BNC2: variants seen among roughly 807,000 people sequenced by gnomAD.
The protein encoded by BNC2 is zinc finger protein basonuclin-2.
A neutral mutation model predicts 76.3 loss-of-function variants in BNC2; 20 were observed. The ratio of observed to expected loss-of-function variants is 0.26; its 90% CI spans 0.18 to 0.38. The LOEUF is 0.38. BNC2 is among the 10% of genes least tolerant of loss of function. The probability of loss-of-function intolerance (pLI) is 1.00; values close to 1 mark genes in which losing one functional copy is unlikely to be tolerated. For synonymous variants in BNC2, 582 were observed against 514.8 expected (o/e 1.13, Z -1.77); for missense variants, 1,382 against 1,399.8 (o/e 0.99, Z 0.20).
intron 4 of BNC2, among the ~76,000 whole-genome samples, chr9:16,578,906 A>C (rs901610422): frequency 4.6e-5 from 7 of 152,180 alleles, no homozygotes; most frequent in Admixed American, 3.9e-4. Flanking sequence ...CCTTTTACAG[A>C]GACTTGACAG....
intron 3 of BNC2, among the ~76,000 whole-genome samples, chr9:16,622,335 TA>T (rs371126177): frequency 4.3e-4 from 65 of 152,330 alleles, no homozygotes; most frequent in African/African-American, 1.5e-3. Flanking sequence ...ACTTTTAGAC[TA>T]AAATTTTTCA....
chr9:16,736,459 G>A (rs1159404607), intron 2 of BNC2, among the ~76,000 whole-genome samples: 1 of 149,016 alleles, frequency 6.7e-6, no homozygotes, highest in East Asian at 2.0e-4. Context: ...TATTATTATT[G>A]TTTATTATTA....
chr9:16,630,182 C>T (rs1821120220), intron 3 of BNC2, among the ~76,000 whole-genome samples: 1 of 146,870 alleles, frequency 6.8e-6, no homozygotes, highest in Admixed American at 6.6e-5. Flanking sequence ...TGAAACAGTA[C>T]ACTGATAAAC....
chr9:16,786,053 G>C (rs1826284481), intron 1 of BNC2, among the ~76,000 whole-genome samples: 1 of 151,978 alleles, frequency 6.6e-6, no homozygotes, highest in African/African-American at 2.4e-5. Flanking sequence ...TAAACTTTCT[G>C]GACAGCACCC....
chr9:16,786,090 A>G (rs1826285656), intron 1 of BNC2, among the ~76,000 whole-genome samples: 3 of 152,216 alleles, frequency 2.0e-5, no homozygotes, highest in South Asian at 4.1e-4. Context: ...CCATGAAAAT[A>G]TAAGTCAAAA....
In BNC2 at chr9:16,417,216, G is replaced by A. The variant is rs570883979; in HGVS notation, c.*1773C>T. The A allele has an allele frequency of 6.6e-6, 1 of 152,504 alleles. No homozygotes were observed. Among genetic ancestry groups the A allele is most frequent in the Admixed American group, 6.5e-5 (1 of 15,272 alleles). 9.4% of individuals were successfully genotyped at this position (152,504 alleles called of 1,614,324 possible). On this transcript the variant is annotated 3_prime_UTR_variant, in exon 7 of 7. Coordinates refer to ENST00000380672, the MANE Select transcript of BNC2 (RefSeq NM_017637.6). The stretch of plus-strand genomic sequence containing the variant: ...ACCCTAATGGTTTTGGCTGCAGACT[G>A]AACTTGAGTAAATATCATCATTTAG...
intron 3 of BNC2, among the ~76,000 whole-genome samples, chr9:16,659,539 C>T (rs574155483): frequency 1.4e-5 from 2 of 146,472 alleles, no homozygotes; most frequent in Non-Finnish European, 3.0e-5. Flanking sequence ...ACCCAGGAGG[C>T]GGAAATTGAA....
chr9:16,493,943 C>T (rs1350190598), intron 5 of BNC2, among the ~76,000 whole-genome samples: 3 of 152,202 alleles, frequency 2.0e-5, no homozygotes, highest in African/African-American at 4.8e-5. Flanking sequence ...TGATGACACA[C>T]GAGGGTAGAG....
At chr9:16,497,546 G>C (rs1395581526) in intron 5 of BNC2, among the ~76,000 whole-genome samples, 1 of 152,084 alleles carries the variant, frequency 6.6e-6, no homozygotes, top group African/African-American at 2.4e-5. Flanking sequence ...AAACAGAAAT[G>C]ATCTCTGCTC....
chr9:16,505,478 A>G (rs1200079622), intron 5 of BNC2, among the ~76,000 whole-genome samples: 1 of 152,232 alleles, frequency 6.6e-6, no homozygotes, highest in African/African-American at 2.4e-5. Context: ...CCTGATTTAT[A>G]GAAGCTAGGC....
intron 3 of BNC2, chr9:16,625,614 T>A (rs996063845): frequency 1.3e-5 from 2 of 152,174 alleles, no homozygotes; most frequent in African/African-American, 4.8e-5. Flanking sequence ...AGCCGGCTTA[T>A]TAAACTTCAT....
At chr9:16,526,704 TTGATATGACCA>T (rs1817815033) in intron 5 of BNC2, among the ~76,000 whole-genome samples, 1 of 152,050 alleles carries the variant, frequency 6.6e-6, no homozygotes, top group South Asian at 2.1e-4. Flanking sequence ...GAACTCCCCA[TTGATATGACCA>T]TGATATGTCA....
intron 1 of BNC2, among the ~76,000 whole-genome samples, chr9:16,820,134 A>C (rs1163339726): frequency 1.3e-5 from 2 of 150,500 alleles, no homozygotes; most frequent in Non-Finnish European, 3.0e-5. Flanking sequence ...AAAAAAAAAA[A>C]AAAAAAAAGG....
intron 1 of BNC2, among the ~76,000 whole-genome samples, chr9:16,813,719 C>A (rs1403028556): frequency 6.6e-6 from 1 of 152,154 alleles, no homozygotes; most frequent in African/African-American, 2.4e-5. Flanking sequence ...CATTTTCTTG[C>A]AAGAGCTTTG....
intron 1 of BNC2, among the ~76,000 whole-genome samples, chr9:16,806,126 T>C (rs1272246332): frequency 1.3e-5 from 2 of 152,212 alleles, no homozygotes; most frequent in Non-Finnish European, 2.9e-5. Flanking sequence ...ATCAGTTTTT[T>C]GTAAATGACC....
At chr9:16,727,353 G>T (rs1587357400) in intron 3 of BNC2, 1 of 188,806 alleles carries the variant, frequency 5.3e-6, no homozygotes, top group East Asian at 1.4e-4. Context: ...GAAGTCAGTA[G>T]GGCTGTTCTG....
At position 16,653,856 on chromosome 9, in the gene BNC2, G is replaced by A. The variant is rs376240045; in HGVS notation, c.331-70771C>T. Among the ~76,000 whole-genome samples, 4 of 152,256 alleles carry A rather than the reference G, an allele frequency of 2.6e-5. No individual in the cohort carries two copies. The East Asian group carries it at 7.7e-4, about 29-fold the overall frequency. On this transcript the variant is annotated intron_variant, in intron 3 of 6. Coordinates refer to ENST00000380672, the MANE Select transcript of BNC2 (RefSeq NM_017637.6). ...CTGACATGTTTCTAGGTGATTTGTGGCAGAACCTCTTGTCTGATCTGTATC... is the reference window on the plus strand; with the variant it reads ...CTGACATGTTTCTAGGTGATTTGTGACAGAACCTCTTGTCTGATCTGTATC...
At chr9:16,490,425 T>A (rs1224765212) in intron 5 of BNC2, among the ~76,000 whole-genome samples, 2 of 152,176 alleles carry the variant, frequency 1.3e-5, no homozygotes, top group Non-Finnish European at 2.9e-5. Context: ...CACGTGGGAA[T>A]TCTGGGAGAT....
In BNC2 at chr9:16,634,090, G is replaced by A. The variant is rs1443446593; in HGVS notation, c.331-51005C>T. Among the ~76,000 whole-genome samples the A allele has an allele frequency of 5.9e-5, 9 of 152,148 alleles. No individual in the cohort carries two copies. In the East Asian group the frequency reaches 1.7e-3, roughly 29 times the overall value. On this transcript the variant is annotated intron_variant, in intron 3 of 6. Transcript: ENST00000380672. ...TAACTAGTACTTCTCTAAACAAACT[G>A]TTCCACAAGACTCTACTCATCCCGT...
Sources: allele counts gnomAD v4.1 joint callset (sites outside exome capture counted in the v4.1 genomes callset), GRCh38; gene constraint gnomAD v4.1.1; transcripts MANE v1.5; gene names NCBI Gene and HGNC (gene_info 2026-07-23, HGNC 2026-07-21).